Variants in RAD51B observed in about 807,000 individuals in gnomAD.
The protein encoded by RAD51B is DNA repair protein RAD51 homolog 2.
In RAD51B, 38 loss-of-function variants were observed where a neutral mutation model predicts 42.2. The observed-to-expected ratio is 0.90, with a 90% CI of 0.70 to 1.18. The LOEUF (loss-of-function observed/expected upper bound fraction) is 1.18. Ranked by LOEUF, RAD51B falls within the 50% of genes most tolerant of loss-of-function variation. The pLI is 0.00. For missense variants in RAD51B, 373 were observed against 400.7 expected, an observed-to-expected ratio of 0.93 and a Z score of 0.59; for synonymous variants, 154 against 145.2, an observed-to-expected ratio of 1.06 and a Z score of -0.43.
chr14:68,371,442 C>A (rs570920191), intron 8 of RAD51B, among the ~76,000 whole-genome samples: 1 of 151,784 alleles, frequency 6.6e-6, no homozygotes, highest in South Asian at 2.1e-4. Context: ...TGCTTGAACG[C>A]GGGAGGCGGA....
intron 7 of RAD51B, among the ~76,000 whole-genome samples, chr14:68,032,474 A>G (rs1225428559): frequency 3.3e-5 from 5 of 152,228 alleles, no homozygotes; most frequent in Non-Finnish European, 5.9e-5. Flanking sequence ...TCTGCTTCCA[A>G]TAAGTTCATC....
At chr14:68,268,681 T>A (rs1341834916) in intron 7 of RAD51B, among the ~76,000 whole-genome samples, 1 of 152,238 alleles carries the variant, frequency 6.6e-6, no homozygotes, top group East Asian at 1.9e-4. Context: ...TATACCACTG[T>A]GGATATTTTC....
chr14:68,414,859 T>C (rs1458092197), intron 9 of RAD51B, among the ~76,000 whole-genome samples: 1 of 71,212 alleles, frequency 1.4e-5, no homozygotes. Context: ...CCATCTCTAC[T>C]AAAAAAAAAA....
intron 9 of RAD51B, among the ~76,000 whole-genome samples, chr14:68,449,945 T>C (rs1193936160): frequency 6.6e-6 from 1 of 152,206 alleles, no homozygotes; most frequent in African/African-American, 2.4e-5. Flanking sequence ...TTCTGTCCCA[T>C]AGTAATTAGG....
intron 8 of RAD51B, among the ~76,000 whole-genome samples, chr14:68,301,398 C>A (rs994978315): frequency 2.0e-5 from 3 of 152,006 alleles, no homozygotes; most frequent in African/African-American, 7.3e-5. Context: ...AAACAACAGT[C>A]GATAAGTGGC....
chr14:68,591,978 T>C (rs960926672), intron 10 of RAD51B, among the ~76,000 whole-genome samples: 1 of 152,032 alleles, frequency 6.6e-6, no homozygotes. Flanking sequence ...GGGCACACAC[T>C]CAGGAGGCAG....
chr14:68,191,033 CT>C (rs33968211), intron 7 of RAD51B, among the ~76,000 whole-genome samples: 122,290 of 151,944 alleles, frequency 0.8, 49,620 homozygotes, highest in East Asian at 0.98. Flanking sequence ...TTACTACAAG[CT>C]TTTTTTTAAA....
At chr14:68,045,969 A>G (rs958037585) in intron 7 of RAD51B, among the ~76,000 whole-genome samples, 2 of 152,126 alleles carry the variant, frequency 1.3e-5, no homozygotes, top group Non-Finnish European at 2.9e-5. Context: ...TCGACATGGC[A>G]GCAACAGCAA....
chr14:68,367,372 A>G (rs2083164071), intron 8 of RAD51B, among the ~76,000 whole-genome samples: 1 of 152,240 alleles, frequency 6.6e-6, no homozygotes, highest in Non-Finnish European at 1.5e-5. Flanking sequence ...TTACGTATTT[A>G]TGTGTGAGTT....
At chr14:67,929,882 T>A (rs897978403) in intron 7 of RAD51B, among the ~76,000 whole-genome samples, 2 of 152,066 alleles carry the variant, frequency 1.3e-5, no homozygotes, top group Non-Finnish European at 2.9e-5. Context: ...GCTCCTGGCC[T>A]CAAGTGATCC....
intron 7 of RAD51B, among the ~76,000 whole-genome samples, chr14:67,941,874 G>A (rs1173009242): frequency 1.3e-5 from 2 of 152,322 alleles, no homozygotes; most frequent in South Asian, 2.1e-4. Context: ...CATCTTTTAT[G>A]CAGCTGCAGA....
rs538320913 is a variant in RAD51B, at chr14:68,437,380, C to CT, written c.957+25859dup. On this transcript the variant is annotated intron_variant, in intron 9 of 10. Transcript: ENST00000471583. ...AGCTTACTTGATCGTGGTGAATTAA[C>CT]TTTTTTATGTACTACTGGATTTGGT... Among the ~76,000 whole-genome samples, 35 of 152,278 alleles carry CT rather than the reference C, an allele frequency of 2.3e-4. 1 individual carries two copies. Among genetic ancestry groups the CT allele is most frequent in the African/African-American group, 7.9e-4 (33 of 41,554 alleles).
chr14:68,391,887 A>C (rs1223299614), intron 8 of RAD51B, among the ~76,000 whole-genome samples: 2 of 152,154 alleles, frequency 1.3e-5, no homozygotes, highest in East Asian at 3.8e-4. Flanking sequence ...CCCATCACAC[A>C]AAACCATTTC....
At chr14:68,286,668 C>T (rs1447520969) in intron 7 of RAD51B, among the ~76,000 whole-genome samples, 1 of 152,190 alleles carries the variant, frequency 6.6e-6, no homozygotes. Context: ...TTCCACCCCA[C>T]CAAAGATATT....
chr14:68,431,809 T>C (rs1307985021), intron 9 of RAD51B, among the ~76,000 whole-genome samples: 4 of 152,084 alleles, frequency 2.6e-5, no homozygotes, highest in Admixed American at 2.6e-4. Flanking sequence ...GAATGTGTTG[T>C]TCTTGCTTCT....
intron 11 of RAD51B, among the ~76,000 whole-genome samples, chr14:68,668,172 A>G (rs1390821749): frequency 6.6e-6 from 1 of 152,150 alleles, no homozygotes; most frequent in African/African-American, 2.4e-5. Context: ...CCATCTTGAC[A>G]TCAACCCTGG....
chr14:68,637,977 G>T, intron 10 of RAD51B, among the ~76,000 whole-genome samples: 1 of 152,240 alleles, frequency 6.6e-6, no homozygotes, highest in East Asian at 1.9e-4. Flanking sequence ...ATTGCCCTGT[G>T]AAGGGCAGGG....
At chr14:68,138,144 A>ATT (rs34242733) in intron 7 of RAD51B, among the ~76,000 whole-genome samples, 8 of 151,160 alleles carry the variant, frequency 5.3e-5, no homozygotes, top group African/African-American at 1.7e-4. Context: ...CCCATTTAGT[A>ATT]TTTTTTTTTT....
intron 9 of RAD51B, among the ~76,000 whole-genome samples, chr14:68,434,471 T>G (rs532928093): frequency 6.6e-6 from 1 of 152,348 alleles, no homozygotes; most frequent in Non-Finnish European, 1.5e-5. Flanking sequence ...GCCTCGCTGC[T>G]GCCTTGCAGT....
Sources: allele counts gnomAD v4.1 joint callset (sites outside exome capture counted in the v4.1 genomes callset), GRCh38; gene constraint gnomAD v4.1.1; transcripts MANE v1.5; gene names NCBI Gene and HGNC (gene_info 2026-07-23, HGNC 2026-07-21).